GBP6: variants seen among roughly 807,000 people sequenced by gnomAD.
GBP6 encodes the protein guanylate binding protein family member 6.
Under a neutral mutation model 61.5 loss-of-function variants are expected in GBP6, and 54 were observed. The observed-to-expected ratio is 0.88, with a 90% CI of 0.71 to 1.10. GBP6 has a LOEUF of 1.10. GBP6 is among the 50% of genes least tolerant of loss of function. The probability of loss-of-function intolerance (pLI) is 0.00; values close to 1 mark genes in which losing one functional copy is unlikely to be tolerated. For synonymous variants in GBP6, 255 were observed against 273.7 expected (o/e 0.93, Z 0.67); for missense variants, 748 against 752.8 (o/e 0.99, Z 0.07).
chr1:89,386,880 A>G lies in GBP6; in HGVS notation c.*1411A>G, dbSNP rs561755438. 5.9e-5 allele frequency among the ~76,000 whole-genome samples: 9 copies of G among 152,278 alleles called. No individual in the cohort carries two copies. The highest frequency in any genetic ancestry group is 5.2e-4 in the Admixed American group (8 of 15,310). On this transcript the variant is annotated 3_prime_UTR_variant, in exon 11 of 11. Transcript: ENST00000370456. ...ACATAGAGGCCTGGTGTTGACCCTTAATTGTTAGAATCTAAGAAGATTCAG... is the reference window on the plus strand; with the variant it reads ...ACATAGAGGCCTGGTGTTGACCCTTGATTGTTAGAATCTAAGAAGATTCAG...
intron 2 of GBP6, among the ~76,000 whole-genome samples, 157 bp from the exon 3 acceptor site, chr1:89,369,389 T>C (rs1270355619): frequency 3.3e-5 from 5 of 152,196 alleles, no homozygotes; most frequent in African/African-American, 9.7e-5. Flanking sequence ...CGCTTTTTTA[T>C]ATAGATTATT....
At chr1:89,375,231 C>A (rs926477859) in intron 3 of GBP6, among the ~76,000 whole-genome samples, 3 of 151,840 alleles carry the variant, frequency 2.0e-5, no homozygotes, top group Non-Finnish European at 4.4e-5. Flanking sequence ...GTAATGAAAG[C>A]AAGACATACA....
intron 5 of GBP6, 121 bp downstream of exon 5, chr1:89,378,734 A>G: frequency 1.4e-6 from 1 of 729,880 alleles, no homozygotes; most frequent in Non-Finnish European, 2.2e-6. Context: ...AGAAACGGGG[A>G]CTGAGGGGTA....
Position 89,381,839 on chromosome 1 carries a change from C to T in GBP6, c.1017C>T (p.Ala339=). Residue 339 remains alanine (A), a synonymous_variant, in exon 7 of 11, where the codon GCC becomes GCT. Transcript: ENST00000370456. ...CTGACTACTACAGCCAGCAGATGGCCCAGCGAGTGAAGCTCCCCACAGACA... is the reference window on the plus strand; with the variant it reads ...CTGACTACTACAGCCAGCAGATGGCTCAGCGAGTGAAGCTCCCCACAGACA... The part of the protein sequence containing the change: ...RAADYYSQQM[A]QRVKLPTDTL... 2.5e-6 allele frequency: 4 copies of T among 1,613,998 alleles called. No individual in the cohort carries two copies. Among genetic ancestry groups the T allele is most frequent in the Non-Finnish European group, 3.4e-6 (4 of 1,179,988 alleles).
Position 89,385,612 on chromosome 1 carries a change from C to T in GBP6, c.*143C>T. 1.4e-6 allele frequency: 1 copy of T among 718,366 alleles called. No individual in the cohort carries two copies. Among genetic ancestry groups the T allele is most frequent in the African/African-American group, 1.8e-5 (1 of 55,352 alleles). 44.5% of individuals were successfully genotyped at this position (718,366 alleles called of 1,614,324 possible). On this transcript the variant is annotated 3_prime_UTR_variant, in exon 11 of 11. Coordinates refer to ENST00000370456, the MANE Select transcript of GBP6 (RefSeq NM_198460.3). ...ACAGTGGTGCAATCTCAGCTCACTG[C>T]AACCTCTGCCTCCTGGGTTCAAGAG...
At chr1:89,379,186 T>C (rs1430229712) in intron 5 of GBP6, among the ~76,000 whole-genome samples, 1 of 152,130 alleles carries the variant, frequency 6.6e-6, no homozygotes, top group African/African-American at 2.4e-5. Context: ...GGGCAGCTGG[T>C]GTGTCACATG....
chr1:89,369,363 C>G (rs1652556488), intron 2 of GBP6, among the ~76,000 whole-genome samples, 183 bp from the exon 3 acceptor site: 1 of 152,228 alleles, frequency 6.6e-6, no homozygotes, highest in Non-Finnish European at 1.5e-5. Context: ...GCATCATTCT[C>G]ACATTTAATG....
At chr1:89,384,417 C>T in intron 10 of GBP6, 131 bp downstream of exon 10, 1 of 657,238 alleles carries the variant, frequency 1.5e-6, no homozygotes, top group East Asian at 2.8e-5. Context: ...CACTAAAAGC[C>T]CTGAATCCTT....
Position 89,385,331 on chromosome 1 carries a change from T to C in GBP6, c.1764T>C (p.Asp588=). The change falls in exon 11 of 11, where the codon GAT becomes GAC. Residue 588 remains aspartate (D), a synonymous_variant. Transcript: ENST00000370456. ...FKRMIDTTKN[D]DTPWIARTLD... ...GTATGATTGATACTACAAAAAATGA[T>C]GATACTCCCTGGATTGCACGAACCT... is the stretch of plus-strand genomic sequence containing the variant. 6.2e-7 allele frequency: 1 copy of C among 1,614,178 alleles called. No homozygotes were observed. The highest frequency in any genetic ancestry group is 2.2e-5 in the East Asian group (1 of 44,882).
chr1:89,378,001 G>A, intron 3 of GBP6, 102 bp from the exon 4 acceptor site: 1 of 1,045,702 alleles, frequency 9.6e-7, no homozygotes, highest in Non-Finnish European at 1.4e-6. Flanking sequence ...TGTACAGCAA[G>A]TACATTAGCT....
chr1:89,368,769 G>A (rs1164551438), intron 2 of GBP6, 28 bp downstream of exon 2: 1 of 1,588,794 alleles, frequency 6.3e-7, no homozygotes, highest in South Asian at 1.1e-5. Context: ...ACACAGGCCA[G>A]TTGCTTGATT....
chr1:89,372,555 A>C lies in GBP6; in HGVS notation c.318+2882A>C, dbSNP rs543247449. On this transcript the variant is annotated intron_variant, in intron 3 of 10. Transcript: ENST00000370456. ...CTTTGACAAACCTGACAAGAACAAG[A>C]AATAGGGAAAGGATTCCCTATTTGA... Among the ~76,000 whole-genome samples, 203 of 152,234 alleles carry C rather than the reference A, an allele frequency of 1.3e-3. 1 individual carries two copies. The highest frequency in any genetic ancestry group is 4.6e-3 in the African/African-American group (191 of 41,534).
Position 89,384,239 on chromosome 1 carries a change from G to A in GBP6, c.1615G>A (p.Glu539Lys), listed in dbSNP as rs760690058. 5 of 1,613,918 alleles carry A rather than the reference G, an allele frequency of 3.1e-6. No homozygotes were observed. Among genetic ancestry groups the A allele is most frequent in the African/African-American group, 2.7e-5 (2 of 74,902 alleles). Residue 539 changes from glutamate to lysine, a missense_variant, in exon 10 of 11, where the codon GAA becomes AAA. Physicochemically the swap from Glu to Lys is moderately conservative, Grantham distance 56. Transcript: ENST00000370456. ...GAAGGAGAAGCTGCAGATGGAGAGA[G>A]AACACCTACTGAGAGAGCAGATTAT... ...QLKEKLQMER[E>K]HLLREQIMML...
chr1:89,379,974 T>C (rs921140907), intron 5 of GBP6, among the ~76,000 whole-genome samples: 10 of 152,040 alleles, frequency 6.6e-5, no homozygotes, highest in South Asian at 2.1e-4. Flanking sequence ...CCTGTCTCTA[T>C]AAAAACTAGA....
intron 3 of GBP6, among the ~76,000 whole-genome samples, chr1:89,372,032 A>G (rs137961874): frequency 0.12 from 17,935 of 152,168 alleles, 1,156 homozygotes; most frequent in East Asian, 0.2. Flanking sequence ...AGACAAACAG[A>G]GAGCCAAATC....
Position 89,369,607 on chromosome 1 carries a change from C to G in GBP6, c.252C>G (p.Pro84=), listed in dbSNP as rs770809416. The G allele has an allele frequency of 1.9e-6, 3 of 1,614,000 alleles. No individual in the cohort carries two copies. Among genetic ancestry groups the G allele is most frequent in the Non-Finnish European group, 2.5e-6 (3 of 1,179,906 alleles). ...AGGGCATCTGGATGTGGTGCGTGCC[C>G]CACCCATCCAAGCCAAACCACACCC... The part of the protein sequence containing the change: ...ETKGIWMWCV[P]HPSKPNHTLV... Residue 84 remains proline, a synonymous_variant, in exon 3 of 11, where the codon CCC becomes CCG. Coordinates refer to ENST00000370456, the MANE Select transcript of GBP6 (RefSeq NM_198460.3).
At chr1:89,371,853 A>C (rs1441917351) in intron 3 of GBP6, among the ~76,000 whole-genome samples, 1 of 152,222 alleles carries the variant, frequency 6.6e-6, no homozygotes, top group Non-Finnish European at 1.5e-5. Flanking sequence ...GTATTCAATT[A>C]GGAAAAGAGG....
intron 2 of GBP6, among the ~76,000 whole-genome samples, chr1:89,369,039 C>T (rs1196999592): frequency 6.6e-6 from 1 of 152,148 alleles, no homozygotes; most frequent in Non-Finnish European, 1.5e-5. Context: ...ATTTTGCTTT[C>T]CTCATGTAAT....
At chr1:89,365,049 C>G (rs887637165) in intron 1 of GBP6, among the ~76,000 whole-genome samples, 5 of 143,732 alleles carry the variant, frequency 3.5e-5, no homozygotes, top group African/African-American at 1.3e-4. Flanking sequence ...TTGTTCAACT[C>G]CCACTTACCA....
Sources: allele counts gnomAD v4.1 joint callset (sites outside exome capture counted in the v4.1 genomes callset), GRCh38; gene constraint gnomAD v4.1.1; transcripts MANE v1.5; gene names NCBI Gene and HGNC (gene_info 2026-07-23, HGNC 2026-07-21).